Variants in CERS5 observed in about 807,000 individuals in gnomAD.
CERS5 encodes LAG1 homolog, ceramide synthase 5.
In CERS5, 37 loss-of-function variants were observed where a neutral mutation model predicts 58.9. The ratio of observed to expected loss-of-function variants is 0.63; its 90% CI spans 0.48 to 0.83. The LOEUF (loss-of-function observed/expected upper bound fraction) is 0.83, where lower values mean the gene tolerates loss of function less well. Among genes scored for constraint, CERS5 ranks in the 40% least tolerant of loss-of-function variants. CERS5 has a pLI of 0.00. For synonymous variants in CERS5, 147 were observed against 177.8 expected, an observed-to-expected ratio of 0.83 and a Z score of 1.38; for missense variants, 398 against 489.3, an observed-to-expected ratio of 0.81 and a Z score of 1.76.
rs963766074 is a variant in CERS5, at chr12:50,137,995, C to T, written c.544-175G>A. Among the ~76,000 whole-genome samples the T allele has an allele frequency of 1.8e-4, 27 of 152,124 alleles. 1 individual carries two copies. Among genetic ancestry groups the T allele is most frequent in the African/African-American group, 6.3e-4 (26 of 41,434 alleles). On this transcript the variant is annotated intron_variant, in intron 5 of 9. Coordinates refer to ENST00000317551, the MANE Select transcript of CERS5 (RefSeq NM_147190.5). ...TTTGGATTGGTGTAGAGACTTAAGC[C>T]TCTTCCCTTGCTCCTCTGCACACAC...
intron 5 of CERS5, among the ~76,000 whole-genome samples, 158 bp from the exon 6 acceptor site, chr12:50,137,978 G>A (rs955786996): frequency 6.6e-6 from 1 of 152,106 alleles, no homozygotes; most frequent in African/African-American, 2.4e-5. Context: ...ACTTTGGATT[G>A]GTGTAGAGAC....
chr12:50,160,304 CAAAAAAAAAAAAAA>C (rs1939135370), intron 1 of CERS5, among the ~76,000 whole-genome samples: 1 of 84,772 alleles, frequency 1.2e-5, no homozygotes, highest in African/African-American at 5.6e-5. Context: ...GACTCTGTCT[CAAAAAAAAAAAAAA>C]GAAAAAAAAA....
chr12:50,135,311 GTGTGT>G, intron 8 of CERS5: 1 of 25,588 alleles, frequency 3.9e-5, no homozygotes, highest in Non-Finnish European at 6.0e-5. Context: ...AGAGAGGAGT[GTGTGT>G]GTGTGTGTGT....
intron 1 of CERS5, among the ~76,000 whole-genome samples, chr12:50,161,869 CTTTTT>C (rs765766688): frequency 2.1e-4 from 14 of 67,316 alleles, no homozygotes; most frequent in African/African-American, 8.7e-4. Flanking sequence ...TGTTCTTCTT[CTTTTT>C]TTTTTTTTTT....
At chr12:50,154,192 A>G in intron 1 of CERS5, 1 of 332,306 alleles carries the variant, frequency 3.0e-6, no homozygotes, top group African/African-American at 2.2e-5. Flanking sequence ...ATCTCTACTA[A>G]AAATGCAAAA....
intron 9 of CERS5, chr12:50,132,949 C>T (rs1156354807): frequency 7.8e-7 from 1 of 1,288,852 alleles, no homozygotes; most frequent in Non-Finnish European, 1.0e-6. Flanking sequence ...ACTAGAAGCA[C>T]AGATACACTT....
At chr12:50,137,683 G>A (rs1175362265) in intron 6 of CERS5, 45 bp downstream of exon 6, 1 of 1,038,228 alleles carries the variant, frequency 9.6e-7, no homozygotes. Flanking sequence ...CTGCTAGAAA[G>A]GAGGATGTAA....
At chr12:50,135,313 GT>G in intron 8 of CERS5, 1 of 57,318 alleles carries the variant, frequency 1.7e-5, no homozygotes, top group Non-Finnish European at 2.7e-5. Flanking sequence ...AGAGGAGTGT[GT>G]GTGTGTGTGT....
chr12:50,154,114 G>A (rs1001662153), intron 1 of CERS5: 1 of 256,762 alleles, frequency 3.9e-6, no homozygotes, highest in Non-Finnish European at 7.9e-6. Flanking sequence ...CAGCACTTTG[G>A]GAGGCCGAGG....
rs1275476272 is a variant in CERS5, at chr12:50,134,712, G to T, written c.873-10C>A. 63 of 1,610,028 alleles carry T rather than the reference G, an allele frequency of 3.9e-5. No individual in the cohort carries two copies. In the Admixed American group the frequency reaches 1.0e-3, roughly 26 times the overall value. ...GGTCGTGTTCAGAATCCTAGAAGAG[G>T]GAGGCCAATAGTCAGATTCTAGAGT... On this transcript the variant is annotated splice_polypyrimidine_tract_variant and intron_variant, in intron 8 of 9. Transcript: ENST00000317551.
Position 50,133,012 on chromosome 12 carries a change from G to A in CERS5, c.1029+1534C>T, listed in dbSNP as rs1339110285. The A allele has an allele frequency of 3.1e-6, 4 of 1,289,030 alleles. No individual in the cohort carries two copies. In the Admixed American group the frequency reaches 9.2e-5, roughly 30 times the overall value. The allele number at this position is 1,289,030 out of a possible 1,614,324, so 79.8% of individuals were successfully genotyped here. On this transcript the variant is annotated intron_variant, in intron 9 of 9. Transcript: ENST00000317551. ...CCCGCCAGGCATAGAAAAAAGGAAG[G>A]AGGTGAGGAAAGAGTGGAGAGTACA...
intron 1 of CERS5, among the ~76,000 whole-genome samples, chr12:50,159,682 C>A (rs921389596): frequency 1.3e-5 from 2 of 152,052 alleles, no homozygotes; most frequent in Non-Finnish European, 2.9e-5. Flanking sequence ...CAACCTCCAC[C>A]TCACAGGTTC....
At position 50,131,254 on chromosome 12, in the gene CERS5, T is replaced by A. The variant is rs114808727; in HGVS notation, c.1030-560A>T. On this transcript the variant is annotated intron_variant, in intron 9 of 9. Coordinates refer to ENST00000317551, the MANE Select transcript of CERS5 (RefSeq NM_147190.5). ...TCCCTTTCCCAATAGCAAGATCACT[T>A]TTCTTATGAAACTTCAGCATCCCTG... Among the ~76,000 whole-genome samples, 689 of 152,286 alleles carry A rather than the reference T, an allele frequency of 4.5e-3. 2 individuals carry two copies. The highest frequency in any genetic ancestry group is 0.016 in the African/African-American group (656 of 41,538).
At chr12:50,162,830 C>T (rs1939455884) in intron 1 of CERS5, among the ~76,000 whole-genome samples, 1 of 152,316 alleles carries the variant, frequency 6.6e-6, no homozygotes, top group East Asian at 1.9e-4. Context: ...TCTCGAACTC[C>T]TGACCTCAGG....
At chr12:50,159,581 A>G (rs373347023) in intron 1 of CERS5, among the ~76,000 whole-genome samples, 1 of 152,104 alleles carries the variant, frequency 6.6e-6, no homozygotes, top group African/African-American at 2.4e-5. Flanking sequence ...TGTGAGTCAC[A>G]TATGTAATTT....
In CERS5 at chr12:50,130,480, C is replaced by T. The variant is rs1951256593; in HGVS notation, c.*65G>A. ...ACAGAAGAGTAGATATGGGAAGGGC[C>T]AAGAGGAGTATGTTGCCAGTGGCCC... is the stretch of plus-strand genomic sequence containing the variant. On this transcript the variant is annotated 3_prime_UTR_variant, in exon 10 of 10. Coordinates refer to ENST00000317551, the MANE Select transcript of CERS5 (RefSeq NM_147190.5). The T allele has an allele frequency of 1.4e-6, 2 of 1,426,840 alleles. No individual in the cohort carries two copies. The highest frequency in any genetic ancestry group is 2.8e-5 in the African/African-American group (2 of 70,936). 88.4% of individuals were successfully genotyped at this position (1,426,840 alleles called of 1,614,324 possible). A position where few individuals can be genotyped will look rare whatever the true frequency, so the allele number is the denominator to read the frequency against.
chr12:50,167,245 C>A lies in CERS5; in HGVS notation c.53G>T (p.Ser18Ile). ...GTTCTCGGGTAGCCAGAAGCGCTCG[C>A]TCCACAGCCAGCCCCACAGCAAGCT... ...PLSLLWGWLW[S>I]ERFWLPENVS... The change falls in exon 1 of 10, where the codon AGC becomes ATC. Residue 18 changes from serine (S) to isoleucine (I), a missense_variant. Ser to Ile is a moderately radical substitution (Grantham distance 142, BLOSUM62 -2). Around this residue, in one of 3 missense-constraint regions of CERS5, gnomAD observed 328 missense variants for 384.5 expected, o/e 0.85. Coordinates refer to ENST00000317551, the MANE Select transcript of CERS5 (RefSeq NM_147190.5). The A allele has an allele frequency of 6.3e-7, 1 of 1,597,062 alleles. No individual in the cohort carries two copies.
Position 50,143,955 on chromosome 12 carries a change from G to C in CERS5, c.300C>G (p.Thr100=). 2 of 1,582,954 alleles carry C rather than the reference G, an allele frequency of 1.3e-6. No homozygotes were observed. Among genetic ancestry groups the C allele is most frequent in the Admixed American group, 3.3e-5 (2 of 59,976 alleles). ...CTCTGTTTCTTTGCCCACTTACCTT[G>C]GTAATAGATATGAACACCTTTTCAA... The part of the protein sequence containing the change: ...AILEKVFISI[T]KYPDKKRLEG... Residue 100 remains threonine, a synonymous_variant, in exon 2 of 10, where the codon ACC becomes ACG. Coordinates refer to ENST00000317551, the MANE Select transcript of CERS5 (RefSeq NM_147190.5).
At chr12:50,159,289 A>C (rs965152978) in intron 1 of CERS5, among the ~76,000 whole-genome samples, 6 of 152,290 alleles carry the variant, frequency 3.9e-5, no homozygotes, top group South Asian at 4.2e-4. Context: ...CCACTGCACT[A>C]CAGCCTGGGC....
Sources: gnomAD v4.1 joint callset for allele counts (sites outside exome capture counted in the v4.1 genomes callset) on GRCh38, gnomAD v4.1.1 for gene constraint, gnomAD v4.1.1 regional missense constraint, MANE v1.5 for transcripts, NCBI Gene and HGNC (gene_info 2026-07-23, HGNC 2026-07-21) for gene names.